SLC39A11: variants seen among roughly 807,000 people sequenced by gnomAD.
The protein encoded by SLC39A11 is solute carrier family 39 member 11.
A neutral mutation model predicts 36.1 loss-of-function variants in SLC39A11; 33 were observed. The observed-to-expected ratio is 0.91, with a 90% CI of 0.69 to 1.22. The LOEUF (loss-of-function observed/expected upper bound fraction) is 1.22, where lower values mean the gene tolerates loss of function less well. Among genes scored for constraint, SLC39A11 ranks in the 50% most tolerant of loss-of-function variants. The pLI, the probability that SLC39A11 is intolerant of heterozygous loss-of-function variation, is 0.00. For missense variants in SLC39A11, 432 were observed against 430.3 expected (o/e 1.00, Z -0.03); for synonymous variants, 166 against 170.3 (o/e 0.97, Z 0.20).
chr17:72,686,032 A>T (rs1317513634), intron 7 of SLC39A11, among the ~76,000 whole-genome samples: 1 of 118,864 alleles, frequency 8.4e-6, no homozygotes, highest in African/African-American at 4.7e-5. Flanking sequence ...ACTCTGTCTT[A>T]AAAAAAAAAA....
At chr17:72,808,976 C>A (rs764852825) in intron 6 of SLC39A11, among the ~76,000 whole-genome samples, 1 of 152,144 alleles carries the variant, frequency 6.6e-6, no homozygotes, top group Non-Finnish European at 1.5e-5. Flanking sequence ...ACTTGGCTGT[C>A]CTTATGTTAA....
intron 1 of SLC39A11, among the ~76,000 whole-genome samples, chr17:73,090,161 G>A (rs1218293630): frequency 6.6e-6 from 1 of 152,136 alleles, no homozygotes; most frequent in Non-Finnish European, 1.5e-5. Context: ...ACGCTGCCTC[G>A]ATTGACCCTG....
chr17:72,657,223 G>A (rs1267174933), intron 7 of SLC39A11, among the ~76,000 whole-genome samples: 1 of 152,102 alleles, frequency 6.6e-6, no homozygotes, highest in East Asian at 1.9e-4. Flanking sequence ...AGCCAGGCAT[G>A]GTGGTGGGTG....
intron 6 of SLC39A11, among the ~76,000 whole-genome samples, chr17:72,827,499 G>T (rs949093804): frequency 6.6e-6 from 1 of 152,174 alleles, no homozygotes; most frequent in Non-Finnish European, 1.5e-5. Context: ...GGCTGTGTGA[G>T]TTACATTTTG....
At chr17:72,773,680 C>CACACACACACACAT (rs879349280) in intron 6 of SLC39A11, among the ~76,000 whole-genome samples, 1,944 of 150,120 alleles carry the variant, frequency 0.013, 58 homozygotes, top group African/African-American at 0.045. Context: ...CACACACACC[C>CACACACACACACAT]AGTATATAAA....
At chr17:73,004,685 G>A (rs142087429) in intron 4 of SLC39A11, among the ~76,000 whole-genome samples, 2,676 of 152,332 alleles carry the variant, frequency 0.018, 37 homozygotes, top group Middle Eastern at 0.027. Context: ...ACACCTGGAG[G>A]TTTCTACTTC....
intron 7 of SLC39A11, among the ~76,000 whole-genome samples, chr17:72,658,592 C>T (rs2070257442): frequency 1.3e-5 from 2 of 152,164 alleles, no homozygotes; most frequent in Admixed American, 1.3e-4. Context: ...GGTCGCCTGG[C>T]TCAATGCCTT....
intron 6 of SLC39A11, among the ~76,000 whole-genome samples, chr17:72,737,685 G>A (rs2074489874): frequency 6.6e-6 from 1 of 152,114 alleles, no homozygotes. Context: ...GAAGAAAGTA[G>A]AAAGGTAGAA....
chr17:72,742,003 A>G (rs2074728256), intron 6 of SLC39A11, among the ~76,000 whole-genome samples: 1 of 152,134 alleles, frequency 6.6e-6, no homozygotes, highest in South Asian at 2.1e-4. Flanking sequence ...GGAGCTCAAG[A>G]TTAGCCTGGC....
chr17:72,967,096 C>T (rs542713944), intron 4 of SLC39A11, among the ~76,000 whole-genome samples: 1 of 152,288 alleles, frequency 6.6e-6, no homozygotes, highest in African/African-American at 2.4e-5. Flanking sequence ...GGAAAATGAG[C>T]TCAGGGCTCC....
At chr17:72,914,079 C>A (rs1318100729) in intron 5 of SLC39A11, among the ~76,000 whole-genome samples, 2 of 150,444 alleles carry the variant, frequency 1.3e-5, no homozygotes, top group Non-Finnish European at 2.9e-5. Flanking sequence ...CTTTGGGAGG[C>A]CGAGGTGGGT....
intron 5 of SLC39A11, among the ~76,000 whole-genome samples, chr17:72,933,530 G>C (rs1598469455): frequency 6.6e-6 from 1 of 152,076 alleles, no homozygotes; most frequent in Admixed American, 6.6e-5. Flanking sequence ...ATTGGGATTT[G>C]TTTTTCTGAG....
intron 7 of SLC39A11, among the ~76,000 whole-genome samples, chr17:72,673,394 T>C (rs1221629305): frequency 6.6e-6 from 1 of 152,204 alleles, no homozygotes; most frequent in Non-Finnish European, 1.5e-5. Flanking sequence ...TGAGCCACCG[T>C]GCCCGGCCTC....
intron 4 of SLC39A11, among the ~76,000 whole-genome samples, chr17:72,953,818 T>C (rs1042766631): frequency 7.2e-5 from 11 of 152,212 alleles, no homozygotes; most frequent in Non-Finnish European, 1.0e-4. Flanking sequence ...GGGTGAGTCA[T>C]TGCTACTAAC....
chr17:72,983,709 G>T (rs2088500251), intron 4 of SLC39A11, among the ~76,000 whole-genome samples: 1 of 152,204 alleles, frequency 6.6e-6, no homozygotes, highest in African/African-American at 2.4e-5. Context: ...AGATCCCTTT[G>T]TACCTTTTGA....
chr17:73,050,258 T>C (rs2059447322), intron 3 of SLC39A11, among the ~76,000 whole-genome samples: 1 of 143,072 alleles, frequency 7.0e-6, no homozygotes. Flanking sequence ...GAAGGAGCCA[T>C]ATACAATTCT....
chr17:72,716,707 G>A (rs1244036674), intron 7 of SLC39A11, among the ~76,000 whole-genome samples: 5 of 152,232 alleles, frequency 3.3e-5, no homozygotes, highest in Admixed American at 1.3e-4. Context: ...GGTGGCTCAC[G>A]CCTGTAATCC....
rs1377267999 is a variant in SLC39A11 at position 72,827,957 on chromosome 17, G to A, written c.601+21677C>T. Among the ~76,000 whole-genome samples, 8 of 152,162 alleles carry A rather than the reference G, an allele frequency of 5.3e-5. No homozygotes were observed. In the South Asian group the frequency reaches 8.3e-4, roughly 16 times the overall value. On this transcript the variant is annotated intron_variant, in intron 6 of 9. Coordinates refer to ENST00000255559, the MANE Select transcript of SLC39A11 (RefSeq NM_139177.4). Reference sequence around the variant, plus strand: ...TTCTTTCCCAATCAGGCAGATCCACGGCAATGCTGCTTTGAGGCTTCACGT... The same window carrying A: ...TTCTTTCCCAATCAGGCAGATCCACAGCAATGCTGCTTTGAGGCTTCACGT...
chr17:72,798,570 T>C (rs2076978320), intron 6 of SLC39A11, among the ~76,000 whole-genome samples: 1 of 151,762 alleles, frequency 6.6e-6, no homozygotes, highest in African/African-American at 2.4e-5. Flanking sequence ...CCCACCACCA[T>C]GCAGGGGTTT....
Sources: gnomAD v4.1 joint callset for allele counts (sites outside exome capture counted in the v4.1 genomes callset) on GRCh38, gnomAD v4.1.1 for gene constraint, MANE v1.5 for transcripts, NCBI Gene and HGNC (gene_info 2026-07-23, HGNC 2026-07-21) for gene names.